Variants in UBE2G1 observed in about 807,000 individuals in gnomAD.
UBE2G1 encodes the protein ubiquitin-conjugating enzyme E2 G1.
A neutral mutation model predicts 22.7 loss-of-function variants in UBE2G1; 5 were observed. That is an observed-to-expected ratio of 0.22 (90% CI 0.12 to 0.46). The LOEUF is 0.46. UBE2G1 is among the 20% of genes least tolerant of loss of function. The probability of loss-of-function intolerance (pLI) is 0.99; values close to 1 mark genes in which losing one functional copy is unlikely to be tolerated. For synonymous variants in UBE2G1, 74 were observed against 67.5 expected, an observed-to-expected ratio of 1.10 and a Z score of -0.47; for missense variants, 88 against 203.9, an observed-to-expected ratio of 0.43 and a Z score of 3.46.
intron 5 of UBE2G1, among the ~76,000 whole-genome samples, chr17:4,274,927 T>TGTAGTCCCAGCTACTCGAGAGGCTGAG (rs61291097): frequency 0.95 from 144,778 of 151,894 alleles, 69,425 homozygotes; most frequent in East Asian, 1. Context: ...GGCACATGCC[T>TGTAGTCCCAGCTACTCGAGAGGCTGAG]GTGGGAGGAC....
chr17:4,362,031 G>A (rs566246853), intron 1 of UBE2G1, among the ~76,000 whole-genome samples: 1 of 151,286 alleles, frequency 6.6e-6, no homozygotes, highest in African/African-American at 2.4e-5. Context: ...CTTATGGCCA[G>A]GGTGAAAAGA....
chr17:4,353,812 A>ATTT (rs11437680), intron 1 of UBE2G1, among the ~76,000 whole-genome samples: 99 of 104,820 alleles, frequency 9.4e-4, no homozygotes, highest in African/African-American at 1.5e-3. Context: ...GCCCGGTCAA[A>ATTT]TTTTTTTTTT....
At chr17:4,347,466 C>CAGTAT (rs1327433560) in intron 1 of UBE2G1, among the ~76,000 whole-genome samples, 55 of 92,516 alleles carry the variant, frequency 5.9e-4, no homozygotes, top group Non-Finnish European at 9.9e-4. Context: ...CACAGTATTT[C>CAGTAT]TTCTTTTTTT....
intron 1 of UBE2G1, among the ~76,000 whole-genome samples, chr17:4,307,770 A>T (rs1232335181): frequency 6.6e-6 from 1 of 152,200 alleles, no homozygotes; most frequent in Admixed American, 6.5e-5. Flanking sequence ...TGGAGCATAC[A>T]GAATGGCTGC....
Position 4,283,297 on chromosome 17 carries a change from G to T in UBE2G1, c.427-376C>A, listed in dbSNP as rs147218909. Among the ~76,000 whole-genome samples the T allele has an allele frequency of 3.1e-3, 470 of 152,334 alleles. 3 individuals are homozygous for T. The highest frequency in any genetic ancestry group is 0.011 in the African/African-American group (440 of 41,576). The stretch of plus-strand genomic sequence containing the variant: ...GGAGGCCGAGGTGGGCGGATCACGA[G>T]GTCGGGAGTTTGAGACCAGCCTGAC... On this transcript the variant is annotated intron_variant, in intron 4 of 5. Coordinates refer to ENST00000396981, the MANE Select transcript of UBE2G1 (RefSeq NM_003342.5).
At chr17:4,322,716 C>T (rs1969456036) in intron 1 of UBE2G1, among the ~76,000 whole-genome samples, 1 of 152,048 alleles carries the variant, frequency 6.6e-6, no homozygotes. Context: ...GGCAAGGGAA[C>T]CAAAAGCTGA....
At chr17:4,337,805 C>T (rs1288612113) in intron 1 of UBE2G1, among the ~76,000 whole-genome samples, 2 of 152,028 alleles carry the variant, frequency 1.3e-5, no homozygotes, top group African/African-American at 4.8e-5. Context: ...AGAAAATAAA[C>T]ATTTAAAAAT....
chr17:4,349,131 A>G (rs1016102486), intron 1 of UBE2G1, among the ~76,000 whole-genome samples: 2 of 150,614 alleles, frequency 1.3e-5, no homozygotes, highest in Non-Finnish European at 3.0e-5. Context: ...AAACAGCCTG[A>G]CCAACATGGT....
At chr17:4,301,306 G>A (rs995269217) in intron 2 of UBE2G1, 1 of 424,642 alleles carries the variant, frequency 2.4e-6, no homozygotes, top group Admixed American at 3.5e-5. Context: ...CCAGGTCCTG[G>A]AGTTGTCACC....
chr17:4,300,403 C>T (rs900763049), intron 2 of UBE2G1, among the ~76,000 whole-genome samples: 85 of 151,910 alleles, frequency 5.6e-4, no homozygotes, highest in Non-Finnish European at 5.9e-5. Flanking sequence ...ATTAGCCAGG[C>T]GTGGTGGCAG....
At chr17:4,344,754 G>A (rs1181192840) in intron 1 of UBE2G1, among the ~76,000 whole-genome samples, 3 of 152,112 alleles carry the variant, frequency 2.0e-5, no homozygotes, top group African/African-American at 4.8e-5. Flanking sequence ...CTAGCTACAT[G>A]GGAGGCTGAG....
chr17:4,303,495 A>C (rs1969211169), intron 2 of UBE2G1, among the ~76,000 whole-genome samples: 1 of 152,248 alleles, frequency 6.6e-6, no homozygotes, highest in Non-Finnish European at 1.5e-5. Flanking sequence ...ACCAAATTTA[A>C]GTAATTGTTC....
chr17:4,365,115 T>C (rs1970016933), intron 1 of UBE2G1, among the ~76,000 whole-genome samples: 1 of 152,188 alleles, frequency 6.6e-6, no homozygotes, highest in Non-Finnish European at 1.5e-5. Context: ...TTAGTAAATG[T>C]ATTTCAAAAA....
intron 1 of UBE2G1, among the ~76,000 whole-genome samples, chr17:4,359,366 G>A (rs1208221646): frequency 6.6e-6 from 1 of 152,160 alleles, no homozygotes; most frequent in African/African-American, 2.4e-5. Flanking sequence ...TACAGCAATA[G>A]CAGTTTTTCT....
Position 4,366,364 on chromosome 17 carries a change from G to A in UBE2G1, c.-48C>T. Reference sequence around the variant, plus strand: ...TGGCGCCGGGGCTTCCGAAGGGCTGGGGACAGGCTCTGGGGGCGGCTGGAG... The same window carrying A: ...TGGCGCCGGGGCTTCCGAAGGGCTGAGGACAGGCTCTGGGGGCGGCTGGAG... On this transcript the variant is annotated 5_prime_UTR_variant, in exon 1 of 6. Transcript: ENST00000396981. 6.7e-7 allele frequency: 1 copy of A among 1,490,798 alleles called. No individual in the cohort carries two copies. The highest frequency in any genetic ancestry group is 8.9e-7 in the Non-Finnish European group (1 of 1,129,298). The allele number at this position is 1,490,798 out of a possible 1,614,324, so 92.3% of individuals were successfully genotyped here. A position where few individuals can be genotyped will look rare whatever the true frequency, so the allele number is the denominator to read the frequency against.
At chr17:4,299,866 G>C (rs138784373) in intron 2 of UBE2G1, among the ~76,000 whole-genome samples, 2 of 138,888 alleles carry the variant, frequency 1.4e-5, no homozygotes, top group African/African-American at 2.7e-5. Flanking sequence ...TTGCTCTGTC[G>C]CCCAGGCTGG....
intron 1 of UBE2G1, among the ~76,000 whole-genome samples, chr17:4,319,875 CAG>C (rs1185443518): frequency 6.6e-6 from 1 of 152,048 alleles, no homozygotes; most frequent in Non-Finnish European, 1.5e-5. Flanking sequence ...AATTCAGTAA[CAG>C]AAAAACGCAG....
At chr17:4,334,153 C>G (rs1446427019) in intron 1 of UBE2G1, among the ~76,000 whole-genome samples, 1 of 151,970 alleles carries the variant, frequency 6.6e-6, no homozygotes, top group African/African-American at 2.4e-5. Flanking sequence ...GCCTAGGCTC[C>G]TAGGCTCAAG....
intron 1 of UBE2G1, among the ~76,000 whole-genome samples, chr17:4,363,290 CA>C (rs1232736716): frequency 6.6e-6 from 1 of 151,994 alleles, no homozygotes; most frequent in Non-Finnish European, 1.5e-5. Flanking sequence ...AAATTAAAAA[CA>C]ATCCCATTGT....
Sources: gnomAD v4.1 joint callset for allele counts (sites outside exome capture counted in the v4.1 genomes callset) on GRCh38, gnomAD v4.1.1 for gene constraint, MANE v1.5 for transcripts, NCBI Gene and HGNC (gene_info 2026-07-23, HGNC 2026-07-21) for gene names.